Variants in CELF2 observed in about 807,000 individuals in gnomAD.
CELF2 encodes CUG triplet repeat RNA-binding protein 2.
Under a neutral mutation model 62.6 loss-of-function variants are expected in CELF2, and 8 were observed. The ratio of observed to expected loss-of-function variants is 0.13; its 90% CI spans 0.07 to 0.23. The LOEUF is 0.23. CELF2 is among the 10% of genes least tolerant of loss of function. The pLI, the probability that CELF2 is intolerant of heterozygous loss-of-function variation, is 1.00. For missense variants in CELF2, 333 were observed against 671.0 expected (o/e 0.50, Z 5.56); for synonymous variants, 258 against 250.0 (o/e 1.03, Z -0.30).
chr10:11,208,572 T>C (rs755645423), intron 2 of CELF2, among the ~76,000 whole-genome samples: 2 of 152,216 alleles, frequency 1.3e-5, no homozygotes, highest in Non-Finnish European at 2.9e-5. Flanking sequence ...TCCTTCTGGG[T>C]GTGGGAAGGA....
the CELF2 span, among the ~76,000 whole-genome samples, chr10:10,534,229 AG>A: frequency 6.8e-5 from 10 of 147,868 alleles, no homozygotes; most frequent in African/African-American, 2.5e-4. Context: ...AAAAAAAAAA[AG>A]AAAAAGAAAA....
At chr10:11,103,038 A>G (rs1207078243) in intron 1 of CELF2, among the ~76,000 whole-genome samples, 1 of 152,194 alleles carries the variant, frequency 6.6e-6, no homozygotes, top group Non-Finnish European at 1.5e-5. Context: ...AGAATTCTCC[A>G]GTGCCTCTCC....
upstream of CELF2, among the ~76,000 whole-genome samples, chr10:11,013,619 C>T (rs915994072): frequency 3.3e-5 from 5 of 152,162 alleles, no homozygotes; most frequent in Non-Finnish European, 7.3e-5. The surrounding 1 kb of genome is among the most constrained non-coding windows in gnomAD (Gnocchi z 4.1). Context: ...AAGCTATTCT[C>T]AAGCAATGGT....
intron 1 of CELF2, among the ~76,000 whole-genome samples, chr10:10,907,347 A>T (rs2063432868): frequency 6.6e-6 from 1 of 152,268 alleles, no homozygotes; most frequent in South Asian, 2.1e-4. Context: ...AACTTTAGTC[A>T]AACTAATTAT....
intron 1 of CELF2, among the ~76,000 whole-genome samples, chr10:11,078,986 A>G (rs1176044860): frequency 2.6e-5 from 4 of 152,108 alleles, no homozygotes. Context: ...AGCAGCTCAC[A>G]TTTTCTATTG....
In CELF2 at chr10:10,993,614, A is replaced by G. The variant is rs1052436493; in HGVS notation, c.89+73615A>G. On this transcript the variant is annotated intron_variant, in intron 2 of 13. Transcript: ENST00000636488. This position sits in a 1 kb window ranked among gnomAD's most constrained non-coding sequence, Gnocchi z 5.3. ...TGCCTGCCAAGGTTATGATGGGACA[A>G]CTTGGAAAAAGAGAGTTGGAAGGAG... Among the ~76,000 whole-genome samples the G allele has an allele frequency of 6.6e-6, 1 of 152,214 alleles. No individual in the cohort carries two copies. Among genetic ancestry groups the G allele is most frequent in the Non-Finnish European group, 1.5e-5 (1 of 68,030 alleles).
chr10:11,320,505 G>A (rs1045150158), intron 10 of CELF2, among the ~76,000 whole-genome samples: 6 of 152,162 alleles, frequency 3.9e-5, no homozygotes, highest in African/African-American at 1.2e-4. Context: ...AGCTCTCTGC[G>A]ACTGTGGGAA....
chr10:10,812,076 C>T (rs1300342837), intron 1 of CELF2, among the ~76,000 whole-genome samples: 1 of 152,122 alleles, frequency 6.6e-6, no homozygotes, highest in Non-Finnish European at 1.5e-5. Context: ...GTATTTCCCA[C>T]CTATATTAGT....
chr10:11,147,944 G>C (rs1285893126), intron 1 of CELF2, among the ~76,000 whole-genome samples: 1 of 152,202 alleles, frequency 6.6e-6, no homozygotes, highest in East Asian at 1.9e-4. Context: ...CAGCAAAGAG[G>C]TTTCTCTCTC....
intron 1 of CELF2, among the ~76,000 whole-genome samples, chr10:10,905,190 C>G (rs2063236396): frequency 6.6e-6 from 1 of 152,136 alleles, no homozygotes; most frequent in Non-Finnish European, 1.5e-5. Flanking sequence ...TTAAAACATA[C>G]TACGTAATAA....
At chr10:10,632,757 G>C in the CELF2 span, among the ~76,000 whole-genome samples, 1 of 152,210 alleles carries the variant, frequency 6.6e-6, no homozygotes, top group Non-Finnish European at 1.5e-5. Flanking sequence ...AGAAAGGTAG[G>C]TCCTCTTCTT....
At chr10:11,215,572 C>T (rs1429584122) in intron 2 of CELF2, among the ~76,000 whole-genome samples, 1 of 146,862 alleles carries the variant, frequency 6.8e-6, no homozygotes, top group African/African-American at 2.5e-5. Context: ...AGTTACCTGC[C>T]TGAAAGTATC....
chr10:11,056,974 G>C (rs960256088), intron 1 of CELF2, among the ~76,000 whole-genome samples: 1 of 152,240 alleles, frequency 6.6e-6, no homozygotes, highest in African/African-American at 2.4e-5. Context: ...GGAGGGGTGA[G>C]TAAGAACCGC....
the CELF2 span, among the ~76,000 whole-genome samples, chr10:10,753,245 A>G: frequency 6.6e-6 from 1 of 152,022 alleles, no homozygotes. Context: ...TTAATTATCA[A>G]GGGTCACATT....
chr10:10,683,428 G>C, the CELF2 span, among the ~76,000 whole-genome samples: 1 of 151,954 alleles, frequency 6.6e-6, no homozygotes, highest in Non-Finnish European at 1.5e-5. Context: ...GTTTCAATAC[G>C]GTCCATCTTT....
intron 1 of CELF2, among the ~76,000 whole-genome samples, chr10:11,091,790 A>C (rs888191211): frequency 6.6e-6 from 1 of 152,212 alleles, no homozygotes. Flanking sequence ...TGAACTTACC[A>C]CTGTCAAAAT....
intron 1 of CELF2, among the ~76,000 whole-genome samples, chr10:10,812,396 T>C (rs1411819641): frequency 6.6e-6 from 1 of 152,144 alleles, no homozygotes; most frequent in African/African-American, 2.4e-5. Flanking sequence ...AAGCTACAAT[T>C]GAAGATGAGA....
At chr10:11,018,189 G>A (rs2057610434) in intron 1 of CELF2, 26 bp downstream of exon 1, 3 of 1,497,982 alleles carry the variant, frequency 2.0e-6, no homozygotes, top group African/African-American at 1.5e-5. Flanking sequence ...TCCCGAGGCC[G>A]GGCGAGCGGG....
At chr10:10,903,013 A>T (rs1472719369) in intron 1 of CELF2, among the ~76,000 whole-genome samples, 1 of 152,084 alleles carries the variant, frequency 6.6e-6, no homozygotes, top group East Asian at 1.9e-4. Flanking sequence ...GAAGAAAGAA[A>T]GGAGAGAGCT....
Sources: gnomAD v4.1 joint callset for allele counts (sites outside exome capture counted in the v4.1 genomes callset) on GRCh38, gnomAD v4.1.1 for gene constraint, Gnocchi (gnomAD v3.1) non-coding constraint, MANE v1.5 for transcripts, NCBI Gene and HGNC (gene_info 2026-07-23, HGNC 2026-07-21) for gene names.